CEP112: variants seen among roughly 807,000 people sequenced by gnomAD.
The protein encoded by CEP112 is centrosomal protein 112.
CEP112 carries 127 observed loss-of-function variants against 153.0 expected under a neutral mutation model. That is an observed-to-expected ratio of 0.83 (90% CI 0.72 to 0.96). The LOEUF (loss-of-function observed/expected upper bound fraction) is 0.96. Ranked by LOEUF, CEP112 falls within the 40% of genes least tolerant of loss-of-function variation. CEP112 has a pLI of 0.00. For missense variants in CEP112, 1,089 were observed against 1,101.2 expected (o/e 0.99, Z 0.16); for synonymous variants, 358 against 374.4 (o/e 0.96, Z 0.51).
intron 6 of CEP112, among the ~76,000 whole-genome samples, chr17:66,114,091 T>C (rs1056594706): frequency 1.3e-5 from 2 of 152,178 alleles, no homozygotes; most frequent in African/African-American, 4.8e-5. Context: ...GAAGAAAATA[T>C]TGTATAGAAA....
At chr17:65,728,121 C>G (rs984295747) in intron 23 of CEP112, among the ~76,000 whole-genome samples, 1 of 152,218 alleles carries the variant, frequency 6.6e-6, no homozygotes, top group Admixed American at 6.5e-5. Flanking sequence ...ATAGCTTCAA[C>G]TAGGACTATA....
At chr17:65,641,922 G>C (rs1009400008) in intron 24 of CEP112, among the ~76,000 whole-genome samples, 1 of 152,144 alleles carries the variant, frequency 6.6e-6, no homozygotes, top group Non-Finnish European at 1.5e-5. Flanking sequence ...CCTGGTTCCT[G>C]GTTTCTTTCT....
At chr17:66,026,880 T>C (rs930949735) in intron 16 of CEP112, among the ~76,000 whole-genome samples, 6 of 152,206 alleles carry the variant, frequency 3.9e-5, no homozygotes, top group South Asian at 4.1e-4. Context: ...TCCTGAATAT[T>C]TTTGATCCAT....
In CEP112 at chr17:65,980,744, G is replaced by A. The variant is rs181367541; in HGVS notation, c.1737-19146C>T. ...CTCAAAATGTACCACCAGGCTCTGC[G>A]CTTTCTGTTCCAGCTGGCTCATCTT... is the stretch of plus-strand genomic sequence containing the variant. On this transcript the variant is annotated intron_variant, in intron 17 of 26. Coordinates refer to ENST00000535342, the MANE Select transcript of CEP112 (RefSeq NM_001199165.4). Among the ~76,000 whole-genome samples, 354 of 152,142 alleles carry A rather than the reference G, an allele frequency of 2.3e-3. 1 individual carries two copies. Among genetic ancestry groups the A allele is most frequent in the African/African-American group, 8.1e-3 (336 of 41,524 alleles).
chr17:65,821,512 A>C (rs2056545612), intron 21 of CEP112, among the ~76,000 whole-genome samples: 1 of 98,634 alleles, frequency 1.0e-5, no homozygotes, highest in Non-Finnish European at 2.0e-5. Flanking sequence ...ATATATATAT[A>C]ATTATATATA....
intron 16 of CEP112, among the ~76,000 whole-genome samples, chr17:66,010,495 G>A (rs1330848897): frequency 6.6e-6 from 1 of 152,072 alleles, no homozygotes; most frequent in Non-Finnish European, 1.5e-5. Context: ...CCACTACTAT[G>A]TTAAATAGGA....
intron 19 of CEP112, among the ~76,000 whole-genome samples, chr17:65,925,036 A>G (rs1178986129): frequency 2.0e-5 from 3 of 152,092 alleles, no homozygotes; most frequent in Non-Finnish European, 2.9e-5. Context: ...GGCTGGTGAT[A>G]TGGTTTGGCT....
chr17:65,786,839 G>C (rs773383502), intron 21 of CEP112, among the ~76,000 whole-genome samples: 3 of 152,006 alleles, frequency 2.0e-5, no homozygotes, highest in African/African-American at 4.8e-5. Flanking sequence ...GCCTGCCTTC[G>C]TCTCCCTAAG....
chr17:65,685,668 T>A (rs1183998890), intron 24 of CEP112, among the ~76,000 whole-genome samples: 1 of 46,130 alleles, frequency 2.2e-5, no homozygotes, highest in Admixed American at 2.1e-4. Flanking sequence ...ATAGTTCTAA[T>A]TTTTTTTTTT....
At chr17:65,957,378 C>A (rs928701263) in intron 18 of CEP112, among the ~76,000 whole-genome samples, 1 of 152,154 alleles carries the variant, frequency 6.6e-6, no homozygotes, top group Non-Finnish European at 1.5e-5. Flanking sequence ...CTATCTATGT[C>A]CATTTCTCCA....
chr17:65,737,894 G>A (rs929761703), intron 23 of CEP112, among the ~76,000 whole-genome samples: 3 of 152,196 alleles, frequency 2.0e-5, no homozygotes, highest in Admixed American at 6.5e-5. Flanking sequence ...TTCTAAGGAG[G>A]TGCATTCAGT....
chr17:65,726,769 C>T (rs1050091210), intron 23 of CEP112, among the ~76,000 whole-genome samples: 4 of 152,076 alleles, frequency 2.6e-5, no homozygotes, highest in Admixed American at 1.3e-4. Flanking sequence ...TCACTATTAC[C>T]CATCTGGAGA....
rs2048488276 is a variant in CEP112 at position 65,698,943 on chromosome 17, A to G, written c.2608-9725T>C. Among the ~76,000 whole-genome samples, 3 of 152,298 alleles carry G rather than the reference A, an allele frequency of 2.0e-5. No individual in the cohort carries two copies. The South Asian group carries it at 6.2e-4, about 32-fold the overall frequency. The stretch of plus-strand genomic sequence containing the variant: ...TTCATTTAAATTTCGATTTTCTTAC[A>G]AAGACTAATTCACACATGCCGTCCC... On this transcript the variant is annotated intron_variant, in intron 23 of 26. Coordinates refer to ENST00000535342, the MANE Select transcript of CEP112 (RefSeq NM_001199165.4).
chr17:66,034,956 G>A (rs1468352483), intron 12 of CEP112, among the ~76,000 whole-genome samples: 6 of 130,474 alleles, frequency 4.6e-5, no homozygotes, highest in African/African-American at 1.7e-4. Flanking sequence ...GTGCCACCAT[G>A]CCCAGCTAAG....
intron 19 of CEP112, among the ~76,000 whole-genome samples, chr17:65,926,949 G>A (rs894310090): frequency 1.3e-5 from 2 of 152,116 alleles, no homozygotes; most frequent in Non-Finnish European, 2.9e-5. Context: ...GACTGATATT[G>A]TTAGGATACT....
chr17:65,704,875 G>T (rs569297109), intron 23 of CEP112, among the ~76,000 whole-genome samples: 1 of 152,310 alleles, frequency 6.6e-6, no homozygotes, highest in African/African-American at 2.4e-5. Flanking sequence ...AGAATGAGAG[G>T]ATTTACAAAG....
intron 21 of CEP112, among the ~76,000 whole-genome samples, chr17:65,788,002 A>C (rs2054370878): frequency 6.6e-6 from 1 of 152,202 alleles, no homozygotes. Flanking sequence ...CTGATTTTAA[A>C]GGGAATCCTT....
intron 12 of CEP112, among the ~76,000 whole-genome samples, chr17:66,033,652 GT>G (rs1240841590): frequency 3.3e-5 from 5 of 152,162 alleles, no homozygotes; most frequent in Admixed American, 2.6e-4. Context: ...ATGTCATCTT[GT>G]GAAGGAATCT....
chr17:66,042,147 G>A (rs1049067526), intron 12 of CEP112, among the ~76,000 whole-genome samples: 1 of 152,082 alleles, frequency 6.6e-6, no homozygotes, highest in Non-Finnish European at 1.5e-5. Context: ...TCAGGAGTTC[G>A]AGACCAGCCT....
Sources: gnomAD v4.1 joint callset for allele counts (sites outside exome capture counted in the v4.1 genomes callset) on GRCh38, gnomAD v4.1.1 for gene constraint, MANE v1.5 for transcripts, NCBI Gene and HGNC (gene_info 2026-07-23, HGNC 2026-07-21) for gene names.